Variants in CEP85L observed in about 807,000 individuals in gnomAD.
The protein encoded by CEP85L is centrosomal protein of 85 kDa-like.
A neutral mutation model predicts 100.3 loss-of-function variants in CEP85L; 60 were observed. The observed-to-expected ratio is 0.60, with a 90% CI of 0.49 to 0.74. The LOEUF (loss-of-function observed/expected upper bound fraction) is 0.74. Among genes scored for constraint, CEP85L ranks in the 30% least tolerant of loss-of-function variants. The probability of loss-of-function intolerance (pLI) is 0.00; values close to 1 mark genes in which losing one functional copy is unlikely to be tolerated. For synonymous variants in CEP85L, 319 were observed against 322.7 expected (o/e 0.99, Z 0.12); for missense variants, 973 against 936.2 (o/e 1.04, Z -0.51).
At chr6:118,500,370 A>G (rs1281504267) in intron 5 of CEP85L, among the ~76,000 whole-genome samples, 1 of 126,142 alleles carries the variant, frequency 7.9e-6, no homozygotes, top group African/African-American at 3.0e-5. Context: ...GCAAACTCAC[A>G]CTGCACCTGC....
chr6:118,465,894 T>C (rs1772481307), intron 12 of CEP85L, among the ~76,000 whole-genome samples: 1 of 152,202 alleles, frequency 6.6e-6, no homozygotes, highest in Non-Finnish European at 1.5e-5. Flanking sequence ...CACTCAGTTT[T>C]TCCCATTTGG....
chr6:118,507,998 C>A (rs1207567908), intron 5 of CEP85L, among the ~76,000 whole-genome samples: 1 of 152,178 alleles, frequency 6.6e-6, no homozygotes, highest in Non-Finnish European at 1.5e-5. Flanking sequence ...ATAAATGGAA[C>A]CTTATCCATA....
intron 2 of CEP85L, among the ~76,000 whole-genome samples, chr6:118,573,816 A>G (rs1780054485): frequency 6.6e-6 from 1 of 152,226 alleles, no homozygotes; most frequent in African/African-American, 2.4e-5. Context: ...CCCCTATTTC[A>G]TAGCACCCAT....
At chr6:118,568,791 T>A (rs1779696831) in intron 2 of CEP85L, among the ~76,000 whole-genome samples, 2 of 152,240 alleles carry the variant, frequency 1.3e-5, no homozygotes, top group South Asian at 4.2e-4. Context: ...CTACTGAGGG[T>A]TGGTTCTAAA....
intron 2 of CEP85L, among the ~76,000 whole-genome samples, chr6:118,613,649 C>T (rs376312818): frequency 6.6e-6 from 1 of 150,418 alleles, no homozygotes; most frequent in Non-Finnish European, 1.5e-5. Context: ...CCCAGCTACT[C>T]GGGAGGCTGA....
intron 2 of CEP85L, among the ~76,000 whole-genome samples, chr6:118,614,229 A>G (rs1772862175): frequency 6.6e-6 from 1 of 152,250 alleles, no homozygotes; most frequent in African/African-American, 2.4e-5. Context: ...CCTCAAATTG[A>G]TAAATGGTAT....
chr6:118,501,538 T>C (rs1054908705), intron 5 of CEP85L: 3 of 502,866 alleles, frequency 6.0e-6, no homozygotes, highest in Non-Finnish European at 1.2e-5. Flanking sequence ...ACCCAATGGA[T>C]CTCAGCAACA....
At chr6:118,689,260 A>G (rs976635253) in intron 1 of CEP85L, among the ~76,000 whole-genome samples, 2 of 152,230 alleles carry the variant, frequency 1.3e-5, no homozygotes, top group African/African-American at 4.8e-5. Context: ...TAAGCTTGAA[A>G]TATTTCAAGT....
In CEP85L at chr6:118,461,532, T is replaced by C. The variant is rs1772231753; in HGVS notation, c.*3873A>G. 6.6e-6 allele frequency: 1 copy of C among 152,010 alleles called. No homozygotes were observed. The highest frequency in any genetic ancestry group is 2.1e-4 in the South Asian group (1 of 4,824). 9.4% of individuals were successfully genotyped at this position (152,010 alleles called of 1,614,324 possible). Reference sequence around the variant, plus strand: ...ACTGCAGGCAAAAAGGCACAAAAGGTTCTCTCTGTGTACAGCTGCAATAGT... The same window carrying C: ...ACTGCAGGCAAAAAGGCACAAAAGGCTCTCTCTGTGTACAGCTGCAATAGT... On this transcript the variant is annotated 3_prime_UTR_variant, in exon 13 of 13. Transcript: ENST00000368491.
At chr6:118,685,832 GT>G (rs1334605958) in intron 1 of CEP85L, among the ~76,000 whole-genome samples, 10 of 152,196 alleles carry the variant, frequency 6.6e-5, no homozygotes, top group Admixed American at 1.3e-4. Flanking sequence ...GAAAAAGGTA[GT>G]AAAAAATGTT....
At position 118,592,647 on chromosome 6, in the gene CEP85L, C is replaced by A. The variant is rs573404277; in HGVS notation, c.233-26331G>T. ...AGAAAATGGTTGAAATATCACCTACCTTATATATAAAATGGGTTTATAATT... is the reference window on the plus strand; with the variant it reads ...AGAAAATGGTTGAAATATCACCTACATTATATATAAAATGGGTTTATAATT... On this transcript the variant is annotated intron_variant, in intron 2 of 12. Coordinates refer to ENST00000368491, the MANE Select transcript of CEP85L (RefSeq NM_001042475.3). 4.6e-5 allele frequency among the ~76,000 whole-genome samples: 7 copies of A among 152,096 alleles called. No homozygotes were observed. In the South Asian group the frequency reaches 1.5e-3, roughly 32 times the overall value.
chr6:118,476,201 T>A (rs545710264), intron 10 of CEP85L, among the ~76,000 whole-genome samples: 1 of 152,082 alleles, frequency 6.6e-6, no homozygotes, highest in Non-Finnish European at 1.5e-5. Flanking sequence ...ATCTTAATTA[T>A]GCAACTATAA....
At chr6:118,626,042 T>G (rs1773769172) in intron 2 of CEP85L, among the ~76,000 whole-genome samples, 1 of 152,100 alleles carries the variant, frequency 6.6e-6, no homozygotes, top group African/African-American at 2.4e-5. Flanking sequence ...CAGCAGGAAG[T>G]AGCTAGAGCA....
chr6:118,492,997 C>T (rs886069488), intron 5 of CEP85L, among the ~76,000 whole-genome samples: 1 of 152,070 alleles, frequency 6.6e-6, no homozygotes, highest in Non-Finnish European at 1.5e-5. Context: ...AAATTTTAAT[C>T]AGAGACATGA....
chr6:118,591,714 G>A (rs1781199872), intron 2 of CEP85L, among the ~76,000 whole-genome samples: 2 of 152,164 alleles, frequency 1.3e-5, no homozygotes, highest in African/African-American at 4.8e-5. Context: ...CTCCCACCCT[G>A]TTGAGTGTGC....
chr6:118,680,271 GAA>G (rs374032688), intron 1 of CEP85L, among the ~76,000 whole-genome samples: 26,550 of 109,360 alleles, frequency 0.24, 3,726 homozygotes, highest in Non-Finnish European at 0.34. Flanking sequence ...CCAGCCTGGG[GAA>G]AAAAAAAAAA....
intron 4 of CEP85L, among the ~76,000 whole-genome samples, chr6:118,522,433 C>T (rs1459013625): frequency 6.6e-6 from 1 of 152,096 alleles, no homozygotes; most frequent in African/African-American, 2.4e-5. Context: ...TGTACTTATT[C>T]GTATATAACA....
chr6:118,679,300 G>A (rs1776574725), intron 1 of CEP85L, among the ~76,000 whole-genome samples: 1 of 152,004 alleles, frequency 6.6e-6, no homozygotes. Context: ...AAAGAGACCT[G>A]GCACAAGATG....
At chr6:118,581,413 T>C (rs1780570113) in intron 2 of CEP85L, among the ~76,000 whole-genome samples, 1 of 152,070 alleles carries the variant, frequency 6.6e-6, no homozygotes, top group Non-Finnish European at 1.5e-5. Flanking sequence ...TACACAGTTT[T>C]CCCTGAGATC....
Sources: gnomAD v4.1 joint callset for allele counts (sites outside exome capture counted in the v4.1 genomes callset) on GRCh38, gnomAD v4.1.1 for gene constraint, MANE v1.5 for transcripts, NCBI Gene and HGNC (gene_info 2026-07-23, HGNC 2026-07-21) for gene names.